The following GRID2 variants were observed in gnomAD, a reference collection of about 807,000 sequenced individuals.
GRID2 encodes the protein glutamate ionotropic receptor delta type subunit 2.
In GRID2, 33 loss-of-function variants were observed where a neutral mutation model predicts 114.8. That is an observed-to-expected ratio of 0.29 (90% CI 0.22 to 0.38). GRID2 has a LOEUF of 0.38. Ranked by LOEUF, GRID2 falls within the 10% of genes least tolerant of loss-of-function variation. The pLI is 1.00. For missense variants in GRID2, 1,184 were observed against 1,257.7 expected (o/e 0.94, Z 0.89); for synonymous variants, 505 against 449.9 (o/e 1.12, Z -1.55).
chr4:93,713,202 A>C (rs1728632685), intron 14 of GRID2, among the ~76,000 whole-genome samples: 1 of 152,278 alleles, frequency 6.6e-6, no homozygotes, highest in Non-Finnish European at 1.5e-5. Flanking sequence ...AATGTGTAAT[A>C]ATCTTTTCTT....
chr4:93,800,812 C>T (rs577253085), intron 1 of GRID2, among the ~76,000 whole-genome samples: 38 of 150,396 alleles, frequency 2.5e-4, no homozygotes, highest in African/African-American at 8.0e-4. Flanking sequence ...AATCAATTTT[C>T]TTTCTTTTAA....
chr4:92,545,137 T>C (rs954142074), intron 1 of GRID2, among the ~76,000 whole-genome samples: 1 of 152,026 alleles, frequency 6.6e-6, no homozygotes, highest in East Asian at 1.9e-4. Flanking sequence ...CTTCAAACTT[T>C]ACTAATGTGT....
intron 13 of GRID2, among the ~76,000 whole-genome samples, chr4:93,602,786 A>G (rs915685024): frequency 3.3e-5 from 5 of 152,228 alleles, no homozygotes. Flanking sequence ...ACATGTGAGG[A>G]AGACAGGTTG....
chr4:93,406,112 T>A (rs1252216201), intron 9 of GRID2, among the ~76,000 whole-genome samples: 1 of 152,102 alleles, frequency 6.6e-6, no homozygotes, highest in East Asian at 1.9e-4. Context: ...AAGCATTGAA[T>A]CCTTATCTAT....
At chr4:93,111,002 C>T (rs1732715409) in intron 4 of GRID2, 49 bp downstream of exon 4, 1 of 1,187,242 alleles carries the variant, frequency 8.4e-7, no homozygotes, top group South Asian at 1.2e-5. Flanking sequence ...CAATTAAAAG[C>T]TTTGGAATAG....
At chr4:93,182,966 G>T (rs999656553) in intron 4 of GRID2, among the ~76,000 whole-genome samples, 1 of 152,170 alleles carries the variant, frequency 6.6e-6, no homozygotes, top group African/African-American at 2.4e-5. Flanking sequence ...GCGAAGCCCC[G>T]CAGGTGTTTC....
chr4:92,417,191 G>A (rs193258135), intron 1 of GRID2, among the ~76,000 whole-genome samples: 1 of 151,992 alleles, frequency 6.6e-6, no homozygotes, highest in Admixed American at 6.6e-5. Context: ...TTTTGAAAAT[G>A]GGAAAATAAT....
chr4:93,021,577 A>G (rs1723322700), intron 2 of GRID2, among the ~76,000 whole-genome samples: 2 of 145,854 alleles, frequency 1.4e-5, no homozygotes, highest in African/African-American at 4.9e-5. Context: ...AATAATATAT[A>G]TTATATAATT....
chr4:92,997,512 A>G (rs1440660059), intron 2 of GRID2, among the ~76,000 whole-genome samples: 4 of 152,150 alleles, frequency 2.6e-5, no homozygotes. Context: ...TGATAGTGTT[A>G]GAAAGAAACA....
At chr4:92,481,621 ATTAAAG>A (rs1722592987) in intron 1 of GRID2, among the ~76,000 whole-genome samples, 1 of 152,014 alleles carries the variant, frequency 6.6e-6, no homozygotes, top group Non-Finnish European at 1.5e-5. Context: ...TGTAGTATAG[ATTAAAG>A]TTAGGTAGTG....
intron 1 of GRID2, among the ~76,000 whole-genome samples, chr4:92,466,736 G>A (rs1236386526): frequency 3.3e-5 from 5 of 151,598 alleles, no homozygotes; most frequent in Admixed American, 2.6e-4. Flanking sequence ...TACTTTTAGA[G>A]TGGATTGGCA....
chr4:92,417,710 A>T (rs762288201), intron 1 of GRID2, among the ~76,000 whole-genome samples: 15 of 152,288 alleles, frequency 9.8e-5, no homozygotes, highest in African/African-American at 3.6e-4. Context: ...ATAAAATCAT[A>T]ATAGTTATTG....
intron 14 of GRID2, among the ~76,000 whole-genome samples, chr4:93,722,469 A>G (rs753854681): frequency 9.8e-5 from 15 of 152,298 alleles, no homozygotes; most frequent in African/African-American, 3.6e-4. Flanking sequence ...TCAACACATC[A>G]GTGTCACTTC....
intron 8 of GRID2, among the ~76,000 whole-genome samples, chr4:93,385,717 TA>T (rs11414956): frequency 3.0e-4 from 45 of 151,502 alleles, no homozygotes; most frequent in African/African-American, 7.5e-4. Context: ...TCTGATAATA[TA>T]AAAAAAAATT....
At chr4:92,955,608 C>T (rs1360624852) in intron 2 of GRID2, among the ~76,000 whole-genome samples, 2 of 152,060 alleles carry the variant, frequency 1.3e-5, no homozygotes, top group African/African-American at 2.4e-5. Flanking sequence ...TGTGCAGAAG[C>T]TCTTTAGTTT....
At chr4:92,888,806 C>G (rs916204010) in intron 2 of GRID2, among the ~76,000 whole-genome samples, 2 of 150,774 alleles carry the variant, frequency 1.3e-5, no homozygotes, top group Admixed American at 6.6e-5. Flanking sequence ...ATATAGTGAT[C>G]CACTTATCAG....
intron 11 of GRID2, among the ~76,000 whole-genome samples, chr4:93,471,892 G>T (rs1392375790): frequency 6.7e-6 from 1 of 148,386 alleles, no homozygotes; most frequent in African/African-American, 2.5e-5. Flanking sequence ...GAGAGACGGG[G>T]TTTCCCCATG....
At chr4:93,681,786 G>T (rs1205564964) in intron 14 of GRID2, among the ~76,000 whole-genome samples, 2 of 152,080 alleles carry the variant, frequency 1.3e-5, no homozygotes, top group Non-Finnish European at 2.9e-5. Flanking sequence ...AATTCAAGTT[G>T]GATTAAAGAC....
intron 2 of GRID2, among the ~76,000 whole-genome samples, chr4:92,785,449 G>A (rs1018892175): frequency 6.6e-6 from 1 of 150,926 alleles, no homozygotes; most frequent in East Asian, 1.9e-4. Flanking sequence ...TCCAAGATAC[G>A]TTTTTGAGAA....
Sources: allele counts gnomAD v4.1 joint callset (sites outside exome capture counted in the v4.1 genomes callset), GRCh38; gene constraint gnomAD v4.1.1; transcripts MANE v1.5; gene names NCBI Gene and HGNC (gene_info 2026-07-23, HGNC 2026-07-21).